The following ATP5F1E variants were observed in gnomAD, a reference collection of about 807,000 sequenced individuals.
ATP5F1E encodes the protein ATP synthase F1 subunit epsilon.
In ATP5F1E, 5 loss-of-function variants were observed where a neutral mutation model predicts 7.0. That is an observed-to-expected ratio of 0.71 (90% CI 0.37 to 1.49). The LOEUF is 1.49. Among genes scored for constraint, ATP5F1E ranks in the 40% most tolerant of loss-of-function variants. ATP5F1E has a pLI of 0.03. For synonymous variants in ATP5F1E, 20 were observed against 20.1 expected, an observed-to-expected ratio of 0.99 and a Z score of 0.02; for missense variants, 59 against 57.1, an observed-to-expected ratio of 1.03 and a Z score of -0.11.
chr20:59,025,613 T>C lies in ATP5F1E; in HGVS notation c.*3232A>G, dbSNP rs996779842. ...TTTCCTTTTAAAGGCTATTTTGAAA[T>C]GGTCTTTTCACTTTCATTCAGTCAT... On this transcript the variant is annotated 3_prime_UTR_variant, in exon 3 of 3. Coordinates refer to ENST00000243997, the MANE Select transcript of ATP5F1E (RefSeq NM_006886.4). The C allele has an allele frequency of 2.0e-5, 3 of 152,244 alleles. No homozygotes were observed. The highest frequency in any genetic ancestry group is 7.2e-5 in the African/African-American group (3 of 41,474). 9.4% of individuals were successfully genotyped at this position (152,244 alleles called of 1,614,324 possible). A position where few individuals can be genotyped will look rare whatever the true frequency, so the allele number is the denominator to read the frequency against.
intron 2 of ATP5F1E, chr20:59,029,435 G>C (rs2092011728): frequency 6.6e-6 from 1 of 152,196 alleles, no homozygotes; most frequent in South Asian, 2.1e-4. Context: ...GTGCTTAGGG[G>C]AGACAGTTCC....
At chr20:59,032,043 G>C (rs527474615) in intron 1 of ATP5F1E, among the ~76,000 whole-genome samples, 177 bp downstream of exon 1, 1 of 152,270 alleles carries the variant, frequency 6.6e-6, no homozygotes, top group Non-Finnish European at 1.5e-5. Flanking sequence ...GCGAGGTCGA[G>C]GCCGCGCCCG....
At chr20:59,030,527 G>T in intron 1 of ATP5F1E, 98 bp from the exon 2 acceptor site, 1 of 1,483,476 alleles carries the variant, frequency 6.7e-7, no homozygotes, top group Non-Finnish European at 9.3e-7. Flanking sequence ...TTTTTATTTT[G>T]GTTTGGTTGT....
In ATP5F1E at chr20:59,027,429, A is replaced by G. The variant is rs1311784449; in HGVS notation, c.*1416T>C. On this transcript the variant is annotated 3_prime_UTR_variant, in exon 3 of 3. Coordinates refer to ENST00000243997, the MANE Select transcript of ATP5F1E (RefSeq NM_006886.4). ...ATACTAGCAATCTACTATGCCATCT[A>G]TATACCAATAATACCCCATCTGCCT... 6.6e-6 allele frequency: 1 copy of G among 152,110 alleles called. No homozygotes were observed. The highest frequency in any genetic ancestry group is 2.4e-5 in the African/African-American group (1 of 41,438). 9.4% of individuals were successfully genotyped at this position (152,110 alleles called of 1,614,324 possible).
chr20:59,030,222 C>G (rs2092017226), intron 2 of ATP5F1E, 81 bp downstream of exon 2: 1 of 1,566,606 alleles, frequency 6.4e-7, no homozygotes, highest in Non-Finnish European at 8.7e-7. Flanking sequence ...GAATAGAACC[C>G]AAAACTAAAA....
Position 59,028,587 on chromosome 20 carries a change from G to T in ATP5F1E, c.*258C>A. 6.1e-6 allele frequency: 1 copy of T among 164,298 alleles called. No individual in the cohort carries two copies. 10.2% of individuals were successfully genotyped at this position (164,298 alleles called of 1,614,324 possible). On this transcript the variant is annotated 3_prime_UTR_variant, in exon 3 of 3. Transcript: ENST00000243997. ...CTAAATATTAAATCTGGCTTCCCCT[G>T]CTTTTAAGAAACCCTGGTTCACATG...
At chr20:59,032,043 G>A (rs527474615) in intron 1 of ATP5F1E, among the ~76,000 whole-genome samples, 177 bp downstream of exon 1, 2 of 152,388 alleles carry the variant, frequency 1.3e-5, no homozygotes, top group East Asian at 1.9e-4. Context: ...GCGAGGTCGA[G>A]GCCGCGCCCG....
At position 59,030,405 on chromosome 20, in the gene ATP5F1E, A is replaced by C. The variant is rs777724985; in HGVS notation, c.57T>G (p.Cys19Trp). The change falls in exon 2 of 3, where the codon TGT becomes TGG. Residue 19 changes from cysteine (C) to tryptophan (W), a missense_variant. Transcript: ENST00000243997. The part of the protein sequence containing the change: ...GLSYIRYSQI[C>W]AKAVRDALKT... ...TCAGTGCATCTCTCACTGCTTTTGC[A>C]CAGATCTGGGAGTATCGGATGTAGC... 3 of 1,613,722 alleles carry C rather than the reference A, an allele frequency of 1.9e-6. No individual in the cohort carries two copies. The highest frequency in any genetic ancestry group is 2.5e-6 in the Non-Finnish European group (3 of 1,179,858).
rs199889297 is a variant in ATP5F1E, at chr20:59,030,408, G to A, written c.54C>T (p.Ile18=). The change falls in exon 2 of 3, where the codon ATC becomes ATT. Residue 18 remains isoleucine, a synonymous_variant. Coordinates refer to ENST00000243997, the MANE Select transcript of ATP5F1E (RefSeq NM_006886.4). ...GTGCATCTCTCACTGCTTTTGCACA[G>A]ATCTGGGAGTATCGGATGTAGCTGG... is the stretch of plus-strand genomic sequence containing the variant. The part of the protein sequence containing the change: ...AGLSYIRYSQ[I]CAKAVRDALK... 1.2e-6 allele frequency: 2 copies of A among 1,613,860 alleles called. No individual in the cohort carries two copies. The highest frequency in any genetic ancestry group is 1.7e-6 in the Non-Finnish European group (2 of 1,179,860).
At chr20:59,030,527 G>A in intron 1 of ATP5F1E, 98 bp from the exon 2 acceptor site, 1 of 1,483,476 alleles carries the variant, frequency 6.7e-7, no homozygotes, top group Non-Finnish European at 9.3e-7. Flanking sequence ...TTTTTATTTT[G>A]GTTTGGTTGT....
chr20:59,030,170 A>G, intron 2 of ATP5F1E, 133 bp downstream of exon 2: 1 of 1,208,026 alleles, frequency 8.3e-7, no homozygotes, highest in Non-Finnish European at 1.2e-6. Flanking sequence ...TTTAAATTAT[A>G]CCATCCCAAT....
At chr20:59,032,044 G>A (rs900102331) in intron 1 of ATP5F1E, among the ~76,000 whole-genome samples, 176 bp downstream of exon 1, 2 of 152,270 alleles carry the variant, frequency 1.3e-5, no homozygotes, top group Non-Finnish European at 2.9e-5. Flanking sequence ...CGAGGTCGAG[G>A]CCGCGCCCGC....
chr20:59,029,260 TTC>T (rs1305530205), intron 2 of ATP5F1E: 2 of 152,306 alleles, frequency 1.3e-5, no homozygotes, highest in East Asian at 3.9e-4. Flanking sequence ...CTAAATGATT[TTC>T]TGTTAGCTTA....
intron 1 of ATP5F1E, among the ~76,000 whole-genome samples, 163 bp downstream of exon 1, chr20:59,032,057 G>A (rs1292565568): frequency 6.6e-6 from 1 of 152,124 alleles, no homozygotes; most frequent in Non-Finnish European, 1.5e-5. Context: ...GCGCCCGCCT[G>A]AGCGCTTTGC....
chr20:59,032,120 C>A, intron 1 of ATP5F1E, 100 bp downstream of exon 1: 2 of 1,497,728 alleles, frequency 1.3e-6, no homozygotes, highest in Non-Finnish European at 1.8e-6. Context: ...CAACCCCGGT[C>A]ACGCGTGGGG....
Position 59,028,063 on chromosome 20 carries a change from A to T in ATP5F1E, c.*782T>A, listed in dbSNP as rs2092003743. The stretch of plus-strand genomic sequence containing the variant: ...GAAAGATAAAAACATAACTTGCAAC[A>T]ATTTTTCATCCCTAAATAATGAATG... On this transcript the variant is annotated 3_prime_UTR_variant, in exon 3 of 3. Coordinates refer to ENST00000243997, the MANE Select transcript of ATP5F1E (RefSeq NM_006886.4). The T allele has an allele frequency of 6.6e-6, 1 of 152,252 alleles. No homozygotes were observed. The highest frequency in any genetic ancestry group is 2.1e-4 in the South Asian group (1 of 4,836). 9.4% of individuals were successfully genotyped at this position (152,252 alleles called of 1,614,324 possible). A position where few individuals can be genotyped will look rare whatever the true frequency, so the allele number is the denominator to read the frequency against.
At chr20:59,032,154 C>A in intron 1 of ATP5F1E, 66 bp downstream of exon 1, 1 of 1,554,134 alleles carries the variant, frequency 6.4e-7, no homozygotes, top group Non-Finnish European at 8.7e-7. Context: ...TCCTGCATGA[C>A]CTCTGGGCAC....
rs561233052 is a variant in ATP5F1E at position 59,026,449 on chromosome 20, C to T, written c.*2396G>A. 6.6e-6 allele frequency: 1 copy of T among 152,328 alleles called. No individual in the cohort carries two copies. Among genetic ancestry groups the T allele is most frequent in the South Asian group, 2.1e-4 (1 of 4,818 alleles). 9.4% of individuals were successfully genotyped at this position (152,328 alleles called of 1,614,324 possible). On this transcript the variant is annotated 3_prime_UTR_variant, in exon 3 of 3. Transcript: ENST00000243997. ...ATACAAGGATTTACACATGCTTCCT[C>T]TGGTGCTTTACTTCCCAAACCTAAA...
chr20:59,027,079 A>G lies in ATP5F1E; in HGVS notation c.*1766T>C, dbSNP rs570685198. 1 of 152,306 alleles carries G rather than the reference A, an allele frequency of 6.6e-6. No individual in the cohort carries two copies. Among genetic ancestry groups the G allele is most frequent in the East Asian group, 1.9e-4 (1 of 5,192 alleles). The allele number at this position is 152,306 out of a possible 1,614,324, so 9.4% of individuals were successfully genotyped here. On this transcript the variant is annotated 3_prime_UTR_variant, in exon 3 of 3. Transcript: ENST00000243997. Reference sequence around the variant, plus strand: ...TAGGATTTTTTTTTAATCACGGAGAAAAGAGCCTCTAAGAATCTCTGCTGA... The same window carrying G: ...TAGGATTTTTTTTTAATCACGGAGAGAAGAGCCTCTAAGAATCTCTGCTGA...
Sources: gnomAD v4.1 joint callset for allele counts (sites outside exome capture counted in the v4.1 genomes callset) on GRCh38, gnomAD v4.1.1 for gene constraint, MANE v1.5 for transcripts, NCBI Gene and HGNC (gene_info 2026-07-23, HGNC 2026-07-21) for gene names.